Variants in TSPYL2 observed in about 807,000 individuals in gnomAD.
TSPYL2 encodes the protein testis-specific Y-encoded-like protein 2.
TSPYL2 carries 9 observed loss-of-function variants against 33.0 expected under a neutral mutation model. That is an observed-to-expected ratio of 0.27 (90% CI 0.16 to 0.48). The LOEUF (loss-of-function observed/expected upper bound fraction) is 0.48, where lower values mean the gene tolerates loss of function less well. TSPYL2 is among the 20% of genes least tolerant of loss of function. TSPYL2 has a pLI of 0.99. For missense variants in TSPYL2, 636 were observed against 586.2 expected (o/e 1.08, Z -0.88); for synonymous variants, 330 against 233.6 (o/e 1.41, Z -3.77).
In TSPYL2 at chrX:53,086,262, A is replaced by G. The variant is rs1320826290; in HGVS notation, c.1870A>G (p.Ile624Val). Residue 624 changes from isoleucine (I) to valine (V), a missense_variant, in exon 6 of 7, where the codon ATA becomes GTA. Transcript: ENST00000375442. ...DKDQADYEDV[I>V]EIISDESVEE... ...GGATCAGGCTGACTACGAGGACGTG[A>G]TAGAGATCATCTCAGACGAATCAGT... 1 of 1,209,718 alleles carries G rather than the reference A, an allele frequency of 8.3e-7. No homozygotes were observed. Among genetic ancestry groups the G allele is most frequent in the African/African-American group, 1.8e-5 (1 of 56,921 alleles).
intron 6 of TSPYL2, 197 bp from the exon 7 acceptor site, chrX:53,087,579 T>A: frequency 2.3e-6 from 1 of 430,759 alleles, no homozygotes; most frequent in Middle Eastern, 6.4e-4. Context: ...CCTCCCTCCA[T>A]CTCCCTCTCA....
At position 53,083,135 on chromosome X, in the gene TSPYL2, G is replaced by A; in HGVS notation, c.637G>A (p.Glu213Lys). ...ESRERNAERM[E>K]SILQALEDIQ... ...CAGAGAGAGAAATGCCGAGAGGATG[G>A]AGAGCATCCTGCAGGCACTGGAGGA... Residue 213 changes from glutamate (E) to lysine (K), a missense_variant, in exon 1 of 7, where the codon GAG (glutamate) becomes AAG (lysine). Around this residue, in one of 3 missense-constraint regions of TSPYL2, gnomAD observed 231 missense variants for 201.6 expected, o/e 1.15. Coordinates refer to ENST00000375442, the MANE Select transcript of TSPYL2 (RefSeq NM_022117.4). 1 of 1,210,989 alleles carries A rather than the reference G, an allele frequency of 8.3e-7. No individual in the cohort carries two copies. Among genetic ancestry groups the A allele is most frequent in the East Asian group, 3.0e-5 (1 of 33,830 alleles).
intron 5 of TSPYL2, 76 bp from the exon 6 acceptor site, chrX:53,085,555 G>A (rs145331118): frequency 0.018 from 19,512 of 1,065,217 alleles, 154 homozygotes; most frequent in Non-Finnish European, 0.022. Context: ...TGCTTCCCCA[G>A]TTACTTCCCA....
intron 1 of TSPYL2, 62 bp from the exon 2 acceptor site, chrX:53,084,483 G>C: frequency 9.9e-7 from 1 of 1,010,730 alleles, no homozygotes; most frequent in Non-Finnish European, 1.3e-6. Context: ...GCCCTTCCTG[G>C]CCTTCCCTCC....
At position 53,087,814 on chromosome X, in the gene TSPYL2, T is replaced by G; in HGVS notation, c.1957T>G (p.Tyr653Asp). Residue 653 changes from tyrosine to aspartate, a missense_variant, in exon 7 of 7, where the codon TAT becomes GAT. Physicochemically the swap from Tyr to Asp is radical, Grantham distance 160. This residue lies in a region of TSPYL2 where 401 missense variants were observed against 363.0 expected (regional missense o/e 1.10). Coordinates refer to ENST00000375442, the MANE Select transcript of TSPYL2 (RefSeq NM_022117.4). ...QDEDIYEEGN[Y>D]EEEGSEDVWE... is the part of the protein sequence containing the mutation. ...TGAGGACATCTATGAGGAAGGAAAC[T>G]ATGAGGAGGAAGGAAGTGAAGATGT... is the stretch of plus-strand genomic sequence containing the variant. The G allele has an allele frequency of 8.3e-7, 1 of 1,211,172 alleles. No individual in the cohort carries two copies. Among genetic ancestry groups the G allele is most frequent in the South Asian group, 1.8e-5 (1 of 56,904 alleles).
rs782420071 is a variant in TSPYL2 at position 53,086,186 on chromosome X, T to C, written c.1794T>C (p.Asp598=). 398 of 1,208,655 alleles carry C rather than the reference T, an allele frequency of 3.3e-4. No homozygotes were observed. In the South Asian group the frequency reaches 4.3e-3, roughly 13 times the overall value. ...AAGGTGACAATGAAGGCAGCGATGA[T>C]GACGACAGAGACATTGAGTACTATG... is the stretch of plus-strand genomic sequence containing the variant. ...GNEGDNEGSD[D]DDRDIEYYEK... The change falls in exon 6 of 7, where the codon GAT becomes GAC. Residue 598 remains aspartate, a synonymous_variant. Coordinates refer to ENST00000375442, the MANE Select transcript of TSPYL2 (RefSeq NM_022117.4).
At position 53,082,702 on chromosome X, in the gene TSPYL2, C is replaced by T. The variant is rs1435879221; in HGVS notation, c.204C>T (p.Pro68=). 3 of 1,142,877 alleles carry T rather than the reference C, an allele frequency of 2.6e-6. No individual in the cohort carries two copies. The highest frequency in any genetic ancestry group is 2.5e-4 in the Middle Eastern group (1 of 3,991). 94.2% of individuals were successfully genotyped at this position (1,142,877 alleles called of 1,213,427 possible). Residue 68 remains proline (P), a synonymous_variant, in exon 1 of 7, where the codon CCC becomes CCT. Transcript: ENST00000375442. ...LADMRGVGLG[P]ALPPPPPYVI... is the part of the protein sequence containing the mutation. ...ATATGAGGGGGGTGGGACTGGGCCC[C>T]GCGCTGCCCCCGCCGCCTCCCTATG... is the stretch of plus-strand genomic sequence containing the variant.
In TSPYL2 at chrX:53,082,576, C is replaced by CCCGCCGCCG. The variant is rs781884842; in HGVS notation, c.92_100dup (p.Pro31_Pro33dup). On this transcript the variant is annotated inframe_insertion, in exon 1 of 7. Coordinates refer to ENST00000375442, the MANE Select transcript of TSPYL2 (RefSeq NM_022117.4). ...CCGAGTCTCCACAGCGCGACCCGCC[C>CCCGCCGCCG]CCGCCGCCGCCGCCGCCGCCGCTCC... 68 of 1,147,108 alleles carry CCCGCCGCCG rather than the reference C, an allele frequency of 5.9e-5. No individual in the cohort carries two copies. The highest frequency in any genetic ancestry group is 6.1e-4 in the Middle Eastern group (2 of 3,261). The allele number at this position is 1,147,108 out of a possible 1,213,427, so 94.5% of individuals were successfully genotyped here.
In TSPYL2 at chrX:53,088,129, G is replaced by C; in HGVS notation, c.*190G>C. 6.8e-6 allele frequency: 3 copies of C among 442,107 alleles called. No individual in the cohort carries two copies. In the East Asian group the frequency reaches 1.1e-4, roughly 17 times the overall value. 36.4% of individuals were successfully genotyped at this position (442,107 alleles called of 1,213,427 possible). On this transcript the variant is annotated 3_prime_UTR_variant, in exon 7 of 7. Coordinates refer to ENST00000375442, the MANE Select transcript of TSPYL2 (RefSeq NM_022117.4). ...CTTATTTTGGGGGGAGGGAAAGGGG[G>C]CTAGTCCCCTTCTTTTGGCCCTCCG...
intron 6 of TSPYL2, 86 bp downstream of exon 6, chrX:53,086,396 C>A: frequency 1.1e-6 from 1 of 931,784 alleles, no homozygotes; most frequent in Non-Finnish European, 1.5e-6. Flanking sequence ...AAGGCATGAA[C>A]ACAATCTGCT....
In TSPYL2 at chrX:53,082,493, G is replaced by A. The variant is rs782073605; in HGVS notation, c.-6G>A. ...GAGTCCCCTGAGCTGTACGAACGCG[G>A]TCGCCATGGACCGCCCAGATGAGGG... On this transcript the variant is annotated 5_prime_UTR_variant, in exon 1 of 7. Coordinates refer to ENST00000375442, the MANE Select transcript of TSPYL2 (RefSeq NM_022117.4). 1.7e-6 allele frequency: 2 copies of A among 1,154,481 alleles called. No homozygotes were observed. The highest frequency in any genetic ancestry group is 3.3e-5 in the East Asian group (1 of 30,573).
rs1932791843 is a variant in TSPYL2 at position 53,088,056 on chromosome X, C to T, written c.*117C>T. On this transcript the variant is annotated 3_prime_UTR_variant, in exon 7 of 7. Coordinates refer to ENST00000375442, the MANE Select transcript of TSPYL2 (RefSeq NM_022117.4). Reference sequence around the variant, plus strand: ...TGCACTTCTGGGGGGTGACCGACTTCGTACACGGGTTTAAAGTTTATTTTT... The same window carrying T: ...TGCACTTCTGGGGGGTGACCGACTTTGTACACGGGTTTAAAGTTTATTTTT... 1 of 654,869 alleles carries T rather than the reference C, an allele frequency of 1.5e-6. No individual in the cohort carries two copies. The highest frequency in any genetic ancestry group is 2.2e-5 in the African/African-American group (1 of 45,509). 54.0% of individuals were successfully genotyped at this position (654,869 alleles called of 1,213,427 possible).
At position 53,083,685 on chromosome X, in the gene TSPYL2, G is replaced by A. The variant is rs184374706; in HGVS notation, c.807+380G>A. On this transcript the variant is annotated intron_variant, in intron 1 of 6. Transcript: ENST00000375442. The stretch of plus-strand genomic sequence containing the variant: ...AGGAGGAGGGGAGGGGCACGTAGAA[G>A]ATGAACTGACTCAGAGACCTTGAAG... 5.3e-3 allele frequency among the ~76,000 whole-genome samples: 589 copies of A among 110,917 alleles called. 7 individuals carry two copies. Among genetic ancestry groups the A allele is most frequent in the African/African-American group, 0.018 (553 of 30,350 alleles).
chrX:53,085,867 C>G lies in TSPYL2; in HGVS notation c.1475C>G (p.Thr492Ser), dbSNP rs1556808447. The G allele has an allele frequency of 8.3e-7, 1 of 1,211,065 alleles. No homozygotes were observed. The change falls in exon 6 of 7, where the codon ACC (threonine) becomes AGC (serine). Residue 492 changes from threonine (T) to serine (S), a missense_variant. Thr to Ser is a moderately conservative substitution (Grantham distance 58). Around this residue, in one of 3 missense-constraint regions of TSPYL2, gnomAD observed 401 missense variants for 363.0 expected, o/e 1.10. Coordinates refer to ENST00000375442, the MANE Select transcript of TSPYL2 (RefSeq NM_022117.4). ...PDHNEVPNNE[T>S]TDNNESADDH... ...CACAATGAGGTCCCCAACAACGAGACCACTGATAACAACGAGAGTGCTGAT... is the reference window on the plus strand; with the variant it reads ...CACAATGAGGTCCCCAACAACGAGAGCACTGATAACAACGAGAGTGCTGAT...
Position 53,085,027 on chromosome X carries a change from C to A in TSPYL2, c.1071C>A (p.Asn357Lys). Residue 357 changes from asparagine to lysine, a missense_variant, in exon 4 of 7, where the codon AAC becomes AAA. Asn to Lys is a moderately conservative substitution (Grantham distance 94). Coordinates refer to ENST00000375442, the MANE Select transcript of TSPYL2 (RefSeq NM_022117.4). ...GQEPQARRHG[N>K]QDASHSFFSW... The stretch of plus-strand genomic sequence containing the variant: ...AACCCCAGGCCCGTCGTCACGGGAA[C>A]CAGGATGCGAGCCACAGCTTTTTCA... 4 of 1,211,806 alleles carry A rather than the reference C, an allele frequency of 3.3e-6. No homozygotes were observed. The highest frequency in any genetic ancestry group is 4.5e-6 in the Non-Finnish European group (4 of 895,450).
At position 53,082,570 on chromosome X, in the gene TSPYL2, CCCGCCCCCGCCGCCG is replaced by C; in HGVS notation, c.78_92del (p.Pro29_Pro33del). 1.7e-6 allele frequency: 2 copies of C among 1,152,380 alleles called. No homozygotes were observed. The highest frequency in any genetic ancestry group is 2.3e-6 in the Non-Finnish European group (2 of 870,352). 95.0% of individuals were successfully genotyped at this position (1,152,380 alleles called of 1,213,427 possible). ...GCAGCTCCGAGTCTCCACAGCGCGA[CCCGCCCCCGCCGCCG>C]CCGCCGCCGCCGCTCCTCCGACTGC... On this transcript the variant is annotated inframe_deletion, in exon 1 of 7. Transcript: ENST00000375442.
At position 53,087,947 on chromosome X, in the gene TSPYL2, C is replaced by T. The variant is rs868937667; in HGVS notation, c.*8C>T. ...AGGGGGAAAACCGGATAAGGGTTTTCCCCTTTTGGGGATCACCTCTCTGTA... is the reference window on the plus strand; with the variant it reads ...AGGGGGAAAACCGGATAAGGGTTTTTCCCTTTTGGGGATCACCTCTCTGTA... On this transcript the variant is annotated 3_prime_UTR_variant, in exon 7 of 7. Transcript: ENST00000375442. 7.4e-6 allele frequency: 9 copies of T among 1,208,053 alleles called. No homozygotes were observed. The Admixed American group carries it at 1.7e-4, about 23-fold the overall frequency.
In TSPYL2 at chrX:53,083,153, C is replaced by G. The variant is rs1556807496; in HGVS notation, c.655C>G (p.Leu219Val). 8.3e-7 allele frequency: 1 copy of G among 1,208,984 alleles called. No homozygotes were observed. Among genetic ancestry groups the G allele is most frequent in the African/African-American group, 1.8e-5 (1 of 56,803 alleles). The change falls in exon 1 of 7, where the codon CTG becomes GTG. Residue 219 changes from leucine to valine, a missense_variant. Transcript: ENST00000375442. ...AERMESILQA[L>V]EDIQLDLEAV... ...GAGGATGGAGAGCATCCTGCAGGCA[C>G]TGGAGGATATTCAGCTGGATCTGGA...
rs1932795223 is a variant in TSPYL2 at position 53,088,379 on chromosome X, C to T, written c.*440C>T. 1 of 127,006 alleles carries T rather than the reference C, an allele frequency of 7.9e-6. No individual in the cohort carries two copies. The highest frequency in any genetic ancestry group is 3.2e-5 in the African/African-American group (1 of 31,690). The allele number at this position is 127,006 out of a possible 1,213,427, so 10.5% of individuals were successfully genotyped here. ...ACCTTCCTCTCCCAAGTTCTTTCTC[C>T]ATCCCTCTCCTCTTCCCGCCGCGCC... is the stretch of plus-strand genomic sequence containing the variant. On this transcript the variant is annotated 3_prime_UTR_variant, in exon 7 of 7. Transcript: ENST00000375442.
Sources: allele counts gnomAD v4.1 joint callset (sites outside exome capture counted in the v4.1 genomes callset), GRCh38; gene constraint gnomAD v4.1.1; regional missense constraint gnomAD v4.1.1; transcripts MANE v1.5; gene names NCBI Gene and HGNC (gene_info 2026-07-23, HGNC 2026-07-21).